Variants in RERE observed in about 807,000 individuals in gnomAD.
RERE encodes arginine-glutamic acid dipeptide repeats protein.
Under a neutral mutation model 146.1 loss-of-function variants are expected in RERE, and 40 were observed. That is an observed-to-expected ratio of 0.27 (90% CI 0.21 to 0.36). RERE has a LOEUF of 0.36. RERE is among the 10% of genes least tolerant of loss of function. The pLI is 1.00. For synonymous variants in RERE, 1,003 were observed against 866.0 expected, an observed-to-expected ratio of 1.16 and a Z score of -2.78; for missense variants, 1,933 against 2,138.7, an observed-to-expected ratio of 0.90 and a Z score of 1.90.
intron 1 of RERE, among the ~76,000 whole-genome samples, chr1:8,729,087 C>T (rs1640029646): frequency 6.6e-6 from 1 of 151,928 alleles, no homozygotes; most frequent in Admixed American, 6.5e-5. Flanking sequence ...TCGTTTGAAC[C>T]CGGGAGGTGG....
At chr1:8,545,770 G>A (rs1189714469) in intron 6 of RERE, among the ~76,000 whole-genome samples, 7 of 145,248 alleles carry the variant, frequency 4.8e-5, no homozygotes, top group Non-Finnish European at 6.0e-5. Context: ...TGCAACCTCC[G>A]CCTCCCGGGT....
chr1:8,597,096 T>C (rs1470920618), intron 4 of RERE, among the ~76,000 whole-genome samples: 2 of 151,690 alleles, frequency 1.3e-5, no homozygotes, highest in African/African-American at 2.4e-5. Context: ...GCTGATTTTT[T>C]TTTTTTTTTG....
chr1:8,376,301 C>T (rs1471215813), intron 12 of RERE, among the ~76,000 whole-genome samples: 1 of 152,154 alleles, frequency 6.6e-6, no homozygotes, highest in Non-Finnish European at 1.5e-5. Context: ...TATCCCTGTG[C>T]CTCCTGGTAA....
chr1:8,410,417 T>A (rs1406313695), intron 12 of RERE, among the ~76,000 whole-genome samples: 1 of 152,122 alleles, frequency 6.6e-6, no homozygotes, highest in Non-Finnish European at 1.5e-5. Context: ...AGAGCCTCCA[T>A]GAGGAAGACG....
At chr1:8,440,996 T>G (rs987274446) in intron 11 of RERE, among the ~76,000 whole-genome samples, 4 of 121,866 alleles carry the variant, frequency 3.3e-5, no homozygotes, top group African/African-American at 1.2e-4. Context: ...TCATGCAGGT[T>G]TTTTGTTTTT....
intron 11 of RERE, among the ~76,000 whole-genome samples, chr1:8,428,986 T>C (rs796247458): frequency 6.6e-6 from 1 of 152,092 alleles, no homozygotes. Flanking sequence ...CTGGTGCAAG[T>C]AGCATCACCA....
At chr1:8,365,760 G>T in intron 13 of RERE, 52 bp downstream of exon 13, 1 of 1,595,812 alleles carries the variant, frequency 6.3e-7, no homozygotes, top group Non-Finnish European at 8.6e-7. Context: ...GGGACAGGCT[G>T]CCCGTGAACA....
At chr1:8,362,079 TG>T (rs1641603063) in intron 16 of RERE, among the ~76,000 whole-genome samples, 1 of 152,246 alleles carries the variant, frequency 6.6e-6, no homozygotes, top group South Asian at 2.1e-4. Context: ...TCTGCACCTG[TG>T]GGTTTGCATC....
rs1224016968 is a variant in RERE at position 8,391,519 on chromosome 1, G to A, written c.1285-25545C>T. On this transcript the variant is annotated intron_variant, in intron 12 of 22. Coordinates refer to ENST00000400908, the MANE Select transcript of RERE (RefSeq NM_001042681.2). ...GAGTTCCAAGCCTATCCTTCTCCAG[G>A]GCCTCTGTACAGGCTGATCCCTTGG... 2.6e-5 allele frequency among the ~76,000 whole-genome samples: 4 copies of A among 151,890 alleles called. No homozygotes were observed. The East Asian group carries it at 7.7e-4, about 29-fold the overall frequency.
rs186594733 is a variant in RERE, at chr1:8,726,792, A to T, written c.-144-70351T>A. Among the ~76,000 whole-genome samples the T allele has an allele frequency of 3.3e-5, 5 of 150,754 alleles. No individual in the cohort carries two copies. The East Asian group carries it at 9.7e-4, about 29-fold the overall frequency. The stretch of plus-strand genomic sequence containing the variant: ...TTACTCAAGCTTTCAGTATTCTAAT[A>T]TTGTAAACTGACGTTTATTTATTTA... On this transcript the variant is annotated intron_variant, in intron 1 of 22. Transcript: ENST00000400908.
In RERE at chr1:8,604,614, GAGGGAGGGAGGAAGGAAGGAAGGA is replaced by G. The variant is rs1254077705; in HGVS notation, c.522+9923_522+9946del. Among the ~76,000 whole-genome samples the G allele has an allele frequency of 2.9e-4, 20 of 68,186 alleles. 1 individual carries two copies. Among genetic ancestry groups the G allele is most frequent in the East Asian group, 1.4e-3 (2 of 1,386 alleles). 44.7% of individuals were successfully genotyped at this position (68,186 alleles called of 152,430 possible). The stretch of plus-strand genomic sequence containing the variant: ...GAAGGAAGGAAGGGAGGGAGGGAGG[GAGGGAGGGAGGAAGGAAGGAAGGA>G]AGGAAGGAAGGAAGGAAGGAAGGAA... On this transcript the variant is annotated intron_variant, in intron 4 of 22. Transcript: ENST00000400908.
chr1:8,431,744 T>C (rs1409327899), intron 11 of RERE, among the ~76,000 whole-genome samples: 6 of 152,212 alleles, frequency 3.9e-5, no homozygotes, highest in African/African-American at 1.4e-4. Context: ...TGTAACTTTT[T>C]TCACTTTATA....
intron 11 of RERE, among the ~76,000 whole-genome samples, chr1:8,461,685 T>C (rs144025551): frequency 6.6e-4 from 101 of 152,180 alleles, no homozygotes; most frequent in Non-Finnish European, 1.2e-3. Flanking sequence ...AGGCCTCCTA[T>C]TGTGTGATTC....
intron 4 of RERE, among the ~76,000 whole-genome samples, chr1:8,602,472 T>A (rs1436846800): frequency 6.6e-6 from 1 of 151,674 alleles, no homozygotes; most frequent in Non-Finnish European, 1.5e-5. Flanking sequence ...TGTATATGTT[T>A]TATAAGTTAT....
intron 2 of RERE, among the ~76,000 whole-genome samples, chr1:8,629,057 T>C (rs932265931): frequency 2.6e-5 from 4 of 152,328 alleles, no homozygotes; most frequent in African/African-American, 7.2e-5. Context: ...TTTACCAGAA[T>C]TGAGCAAACG....
chr1:8,716,144 C>A (rs1402408322), intron 1 of RERE, among the ~76,000 whole-genome samples: 1 of 148,886 alleles, frequency 6.7e-6, no homozygotes, highest in Non-Finnish European at 1.5e-5. Context: ...GGCCCCATCT[C>A]GAGGGAAAAA....
intron 1 of RERE, among the ~76,000 whole-genome samples, chr1:8,739,821 GATTA>G (rs1640271728): frequency 1.1e-5 from 1 of 95,204 alleles, no homozygotes; most frequent in South Asian, 3.1e-4. Context: ...ACTCCATTAT[GATTA>G]ATGTTAATAA....
rs1029904197 is a variant in RERE, at chr1:8,614,168, T to G, written c.522+393A>C. Among the ~76,000 whole-genome samples the G allele has an allele frequency of 2.0e-5, 3 of 152,100 alleles. No homozygotes were observed. The South Asian group carries it at 6.2e-4, about 31-fold the overall frequency. On this transcript the variant is annotated intron_variant, in intron 4 of 22. Coordinates refer to ENST00000400908, the MANE Select transcript of RERE (RefSeq NM_001042681.2). Reference sequence around the variant, plus strand: ...TCACCCGAGAGGACAACACCCAAAATAGTTTAGATTGGTGGGCCATGAGTC... The same window carrying G: ...TCACCCGAGAGGACAACACCCAAAAGAGTTTAGATTGGTGGGCCATGAGTC...
intron 6 of RERE, among the ~76,000 whole-genome samples, chr1:8,545,962 T>G (rs1645854416): frequency 1.4e-5 from 2 of 143,680 alleles, no homozygotes; most frequent in African/African-American, 5.2e-5. Flanking sequence ...GGATTACAGG[T>G]GCAAGCTACC....
Sources: allele counts gnomAD v4.1 joint callset (sites outside exome capture counted in the v4.1 genomes callset), GRCh38; gene constraint gnomAD v4.1.1; transcripts MANE v1.5; gene names NCBI Gene and HGNC (gene_info 2026-07-23, HGNC 2026-07-21).